Variants in SLC9A9 observed in about 807,000 individuals in gnomAD.
The protein encoded by SLC9A9 is solute carrier family 9 member A9, also known as sodium/hydrogen exchanger 9.
Under a neutral mutation model 77.8 loss-of-function variants are expected in SLC9A9, and 62 were observed. The ratio of observed to expected loss-of-function variants is 0.80; its 90% CI spans 0.65 to 0.98. The LOEUF is 0.98. Ranked by LOEUF, SLC9A9 falls within the 50% of genes least tolerant of loss-of-function variation. SLC9A9 has a pLI of 0.00. For missense variants in SLC9A9, 775 were observed against 774.9 expected (o/e 1.00, Z 0.00); for synonymous variants, 320 against 283.5 (o/e 1.13, Z -1.29).
intron 9 of SLC9A9, among the ~76,000 whole-genome samples, chr3:143,513,250 T>C (rs2036146149): frequency 6.6e-6 from 1 of 152,250 alleles, no homozygotes; most frequent in South Asian, 2.1e-4. Context: ...ACCAAGTTTA[T>C]GTGATATTCT....
chr3:143,425,172 A>G (rs1462950066), intron 12 of SLC9A9, among the ~76,000 whole-genome samples: 1 of 151,712 alleles, frequency 6.6e-6, no homozygotes, highest in East Asian at 1.9e-4. Flanking sequence ...ATATATATCG[A>G]TTTAATAAAT....
At chr3:143,312,653 C>T (rs755832856) in intron 14 of SLC9A9, among the ~76,000 whole-genome samples, 16 of 152,316 alleles carry the variant, frequency 1.1e-4, no homozygotes, top group Non-Finnish European at 8.8e-5. Context: ...CAACTCTCTC[C>T]TAGGGTAGCA....
At chr3:143,616,202 A>G (rs148727762) in intron 6 of SLC9A9, among the ~76,000 whole-genome samples, 1 of 152,178 alleles carries the variant, frequency 6.6e-6, no homozygotes, top group South Asian at 2.1e-4. Flanking sequence ...TATTCTTTAC[A>G]GTACAATATT....
intron 14 of SLC9A9, among the ~76,000 whole-genome samples, chr3:143,306,190 T>C (rs895904056): frequency 3.9e-5 from 6 of 152,142 alleles, no homozygotes; most frequent in African/African-American, 1.4e-4. Flanking sequence ...GGGAACATAA[T>C]GGGGGCACTG....
intron 2 of SLC9A9, among the ~76,000 whole-genome samples, chr3:143,824,295 A>G (rs1192891363): frequency 6.6e-6 from 1 of 152,060 alleles, no homozygotes; most frequent in African/African-American, 2.4e-5. Context: ...CTGGCAGGAA[A>G]AAAAAACCAA....
intron 6 of SLC9A9, among the ~76,000 whole-genome samples, chr3:143,645,333 A>T (rs573113082): frequency 1.1e-4 from 17 of 152,304 alleles, no homozygotes; most frequent in African/African-American, 4.1e-4. Flanking sequence ...ACCAAACCCT[A>T]TACATGTAAG....
Position 143,484,211 on chromosome 3 carries a change from C to T in SLC9A9, c.1315+9442G>A, listed in dbSNP as rs12630585. Among the ~76,000 whole-genome samples, 312 of 152,204 alleles carry T rather than the reference C, an allele frequency of 2.0e-3. 3 individuals carry two copies. In the East Asian group the frequency reaches 0.048, roughly 23 times the overall value. ...AAATACTCTAGTCATAATTAAGAAA[C>T]ATTAAACTATATTTATAATCAAATA... On this transcript the variant is annotated intron_variant, in intron 11 of 15. Coordinates refer to ENST00000316549, the MANE Select transcript of SLC9A9 (RefSeq NM_173653.4).
chr3:143,419,574 A>G (rs2034261038), intron 12 of SLC9A9, among the ~76,000 whole-genome samples: 3 of 152,270 alleles, frequency 2.0e-5, no homozygotes, highest in South Asian at 2.1e-4. Flanking sequence ...ACTAAGGATA[A>G]AAATTACCAG....
chr3:143,704,612 T>C (rs948900659), intron 4 of SLC9A9, among the ~76,000 whole-genome samples: 6 of 152,194 alleles, frequency 3.9e-5, no homozygotes, highest in African/African-American at 1.4e-4. Flanking sequence ...TATTGAAGTA[T>C]ATCTGCACTC....
chr3:143,827,373 A>G (rs1217208690), intron 2 of SLC9A9, among the ~76,000 whole-genome samples: 1 of 152,214 alleles, frequency 6.6e-6, no homozygotes, highest in Non-Finnish European at 1.5e-5. Context: ...CTCATAACAT[A>G]TAGAAGAATA....
rs137968152 is a variant in SLC9A9 at position 143,804,461 on chromosome 3, C to A, written c.379-7558G>T. On this transcript the variant is annotated intron_variant, in intron 2 of 15. Coordinates refer to ENST00000316549, the MANE Select transcript of SLC9A9 (RefSeq NM_173653.4). ...TTACCCCATCAGTCCCCATTACAAC[C>A]TCTGATGGCTGCCGCCCTAGCTGGA... 7.0e-3 allele frequency among the ~76,000 whole-genome samples: 1,069 copies of A among 152,262 alleles called. 17 individuals are homozygous for A. Among genetic ancestry groups the A allele is most frequent in the African/African-American group, 0.024 (1,011 of 41,522 alleles).
At chr3:143,311,736 G>C (rs1305063214) in intron 14 of SLC9A9, among the ~76,000 whole-genome samples, 3 of 152,184 alleles carry the variant, frequency 2.0e-5, no homozygotes, top group Non-Finnish European at 4.4e-5. Flanking sequence ...ATGGTGACAA[G>C]GGCGGGGAGA....
At chr3:143,511,201 G>C (rs1200945857) in intron 9 of SLC9A9, among the ~76,000 whole-genome samples, 1 of 152,194 alleles carries the variant, frequency 6.6e-6, no homozygotes, top group African/African-American at 2.4e-5. Context: ...AAACAGTCAA[G>C]TAAAGAGGGG....
intron 4 of SLC9A9, among the ~76,000 whole-genome samples, chr3:143,773,545 C>T (rs992171079): frequency 2.0e-5 from 3 of 149,964 alleles, no homozygotes; most frequent in African/African-American, 4.9e-5. Flanking sequence ...AGTGCAATGG[C>T]GCGATCTTGG....
Position 143,266,832 on chromosome 3 carries a change from G to T in SLC9A9, c.1808C>A (p.Ala603Glu), listed in dbSNP as rs144779737. Residue 603 changes from alanine (A) to glutamate (E), a missense_variant, in exon 16 of 16, where the codon GCA (alanine) becomes GAA (glutamate). By Grantham distance (107) the Ala-to-Glu change is moderately radical. Coordinates refer to ENST00000316549, the MANE Select transcript of SLC9A9 (RefSeq NM_173653.4). ...AGCTTTCTGGTCCAGACCTAGCCTTGCAGGAGGACTGCAGGGTGAGGAGGC... is the reference window on the plus strand; with the variant it reads ...AGCTTTCTGGTCCAGACCTAGCCTTTCAGGAGGACTGCAGGGTGAGGAGGC... ...EQASSPCSPPARLGLDQKASP... is the reference protein window; with the variant it reads ...EQASSPCSPPERLGLDQKASP... 704 of 1,614,030 alleles carry T rather than the reference G, an allele frequency of 4.4e-4. 1 individual carries two copies. Among genetic ancestry groups the T allele is most frequent in the Non-Finnish European group, 4.9e-4 (574 of 1,180,034 alleles).
chr3:143,349,396 G>C (rs906671080), intron 14 of SLC9A9, among the ~76,000 whole-genome samples: 1 of 152,148 alleles, frequency 6.6e-6, no homozygotes, highest in Non-Finnish European at 1.5e-5. Flanking sequence ...AAAAGCTTCA[G>C]CATGTGGTTG....
At chr3:143,704,968 G>T (rs1933918759) in intron 4 of SLC9A9, among the ~76,000 whole-genome samples, 1 of 147,910 alleles carries the variant, frequency 6.8e-6, no homozygotes, top group African/African-American at 2.5e-5. Context: ...CTCCAGCCTG[G>T]GCAAGAAGAG....
chr3:143,830,140 A>G (rs1244666573), intron 2 of SLC9A9, among the ~76,000 whole-genome samples: 1 of 152,186 alleles, frequency 6.6e-6, no homozygotes, highest in African/African-American at 2.4e-5. Context: ...ATGTATAGTG[A>G]CATACTCCAG....
chr3:143,756,494 T>A (rs1417402765), intron 4 of SLC9A9, among the ~76,000 whole-genome samples: 1 of 152,176 alleles, frequency 6.6e-6, no homozygotes, highest in Non-Finnish European at 1.5e-5. Flanking sequence ...CCTTATAATC[T>A]TTGTCCTATG....
Sources: allele counts gnomAD v4.1 joint callset (sites outside exome capture counted in the v4.1 genomes callset), GRCh38; gene constraint gnomAD v4.1.1; transcripts MANE v1.5; gene names NCBI Gene and HGNC (gene_info 2026-07-23, HGNC 2026-07-21).